ZMYM1: variants seen among roughly 807,000 people sequenced by gnomAD.
ZMYM1 encodes the protein zinc finger MYM-type protein 1.
A neutral mutation model predicts 60.0 loss-of-function variants in ZMYM1; 39 were observed. That is an observed-to-expected ratio of 0.65 (90% CI 0.50 to 0.85). The LOEUF is 0.85. Among genes scored for constraint, ZMYM1 ranks in the 40% least tolerant of loss-of-function variants. The pLI is 0.00. For missense variants in ZMYM1, 1,171 were observed against 1,309.5 expected (o/e 0.89, Z 1.63); for synonymous variants, 413 against 454.0 (o/e 0.91, Z 1.15).
At chr1:35,072,887 G>T (rs1476190915) in intron 1 of ZMYM1, among the ~76,000 whole-genome samples, 1 of 152,132 alleles carries the variant, frequency 6.6e-6, no homozygotes, top group Non-Finnish European at 1.5e-5. Flanking sequence ...TTCCAGACCA[G>T]CCTGGCCAAT....
upstream of ZMYM1, among the ~76,000 whole-genome samples, chr1:35,074,871 AT>A (rs1642140548): frequency 7.6e-6 from 1 of 131,364 alleles, no homozygotes; most frequent in Non-Finnish European, 1.7e-5. Flanking sequence ...TTTTTTTTTA[AT>A]TTTTTTGAGA....
At chr1:35,106,846 T>A (rs184234919) in intron 6 of ZMYM1, among the ~76,000 whole-genome samples, 37 of 151,768 alleles carry the variant, frequency 2.4e-4, no homozygotes, top group Admixed American at 2.4e-3. Context: ...TTTTTGTTGT[T>A]GTTGTTGTTG....
At position 35,097,555 on chromosome 1, in the gene ZMYM1, AAAC is replaced by A; in HGVS notation, c.409_411del (p.Asn137del). ...CAGTTCCTTCTAAGAGAACTTGTTCAAACTGCTCAAAGTATATAATTCTAAATT... is the reference window on the plus strand; with the variant it reads ...CAGTTCCTTCTAAGAGAACTTGTTCATGCTCAAAGTATATAATTCTAAATT... On this transcript the variant is annotated inframe_deletion, in exon 4 of 10. Transcript: ENST00000359858. The A allele has an allele frequency of 6.2e-7, 1 of 1,614,178 alleles. No individual in the cohort carries two copies. The highest frequency in any genetic ancestry group is 1.1e-5 in the South Asian group (1 of 91,076).
chr1:35,100,767 G>T (rs994859003), intron 4 of ZMYM1, among the ~76,000 whole-genome samples: 3 of 151,794 alleles, frequency 2.0e-5, no homozygotes, highest in Non-Finnish European at 4.4e-5. Flanking sequence ...ACTAAGGTTT[G>T]ATTTATTTAT....
At chr1:35,096,412 G>A (rs1352671879) in intron 3 of ZMYM1, among the ~76,000 whole-genome samples, 2 of 151,782 alleles carry the variant, frequency 1.3e-5, no homozygotes, top group Admixed American at 1.3e-4. Flanking sequence ...ATCAGCTTGA[G>A]GGCAGGAGTT....
chr1:35,059,942 T>C (rs974133879), intron 1 of ZMYM1: 2 of 152,222 alleles, frequency 1.3e-5, no homozygotes, highest in Admixed American at 1.3e-4. Context: ...CGTTTCTCTC[T>C]CTTGCCCTCA....
At chr1:35,076,724 G>A (rs1642173572), upstream of ZMYM1, among the ~76,000 whole-genome samples, 1 of 151,686 alleles carries the variant, frequency 6.6e-6, no homozygotes. Flanking sequence ...CTTGAGGTCA[G>A]GAGTTCAAGA....
chr1:35,100,713 G>A lies in ZMYM1; in HGVS notation c.419+3147G>A, dbSNP rs1444880084. ...TTTAGTATCTCAGTTGGAACCAACCGCAAATCCTGAATGCAATCAATAAAG... is the reference window on the plus strand; with the variant it reads ...TTTAGTATCTCAGTTGGAACCAACCACAAATCCTGAATGCAATCAATAAAG... On this transcript the variant is annotated intron_variant, in intron 4 of 9. Coordinates refer to ENST00000359858, the MANE Select transcript of ZMYM1 (RefSeq NM_024772.5). Among the ~76,000 whole-genome samples the A allele has an allele frequency of 6.6e-5, 10 of 151,954 alleles. 1 individual carries two copies. In the South Asian group the frequency reaches 1.5e-3, roughly 22 times the overall value.
Position 35,095,804 on chromosome 1 carries a change from T to A in ZMYM1, c.97-15T>A, listed in dbSNP as rs778796073. 3 of 1,548,318 alleles carry A rather than the reference T, an allele frequency of 1.9e-6. No individual in the cohort carries two copies. The highest frequency in any genetic ancestry group is 1.4e-5 in the African/African-American group (1 of 72,110). On this transcript the variant is annotated splice_polypyrimidine_tract_variant and intron_variant, in intron 2 of 9. Transcript: ENST00000359858. The stretch of plus-strand genomic sequence containing the variant: ...TATTCACTATTTTTAATTATTATTT[T>A]TTTTTTCTTTTTAGGAGTATTGTCA...
At chr1:35,100,183 G>A (rs919408765) in intron 4 of ZMYM1, among the ~76,000 whole-genome samples, 3 of 151,962 alleles carry the variant, frequency 2.0e-5, no homozygotes, top group African/African-American at 7.3e-5. Context: ...GAGCCACCAC[G>A]CCCTGCCTGA....
At chr1:35,073,338 A>AAAGGGAGG (rs1553136869) in intron 1 of ZMYM1, among the ~76,000 whole-genome samples, 1 of 115,678 alleles carries the variant, frequency 8.6e-6, no homozygotes, top group Non-Finnish European at 1.7e-5. Context: ...AGAAAGAAAG[A>AAAGGGAGG]AAGGAAGGAA....
At chr1:35,092,918 C>G (rs1643109889) in intron 1 of ZMYM1, among the ~76,000 whole-genome samples, 1 of 152,130 alleles carries the variant, frequency 6.6e-6, no homozygotes, top group Admixed American at 6.5e-5. Context: ...AGCCACTGTG[C>G]CCAGCCAACT....
intron 7 of ZMYM1, 88 bp from the exon 8 acceptor site, chr1:35,111,684 G>A (rs1369434269): frequency 7.9e-7 from 1 of 1,262,000 alleles, no homozygotes; most frequent in African/African-American, 1.5e-5. Flanking sequence ...TTAGATGCTT[G>A]CATTATTTCT....
intron 4 of ZMYM1, chr1:35,097,801 C>T (rs1643416358): frequency 4.4e-5 from 22 of 497,366 alleles, no homozygotes; most frequent in South Asian, 1.5e-4. Context: ...TGCACCACCA[C>T]GCCCGGCTAA....
chr1:35,105,323 G>T (rs1424155827), intron 6 of ZMYM1, among the ~76,000 whole-genome samples: 2 of 151,536 alleles, frequency 1.3e-5, no homozygotes, highest in African/African-American at 2.4e-5. Flanking sequence ...ATTTTAAGTA[G>T]AGATGGGGTT....
Position 35,113,148 on chromosome 1 carries a change from C to T in ZMYM1, c.1318C>T (p.Pro440Ser). The T allele has an allele frequency of 6.2e-7, 1 of 1,613,574 alleles. No homozygotes were observed. Among genetic ancestry groups the T allele is most frequent in the Non-Finnish European group, 8.5e-7 (1 of 1,179,850 alleles). The change falls in exon 10 of 10, where the codon CCA becomes TCA. Residue 440 changes from proline to serine, a missense_variant. Coordinates refer to ENST00000359858, the MANE Select transcript of ZMYM1 (RefSeq NM_024772.5). ...GAAAATAAGTGATGAACTATGTCAC[C>T]CAAAATGTACATCCAAAGTACAAAA... is the stretch of plus-strand genomic sequence containing the variant. ...SMKISDELCHPKCTSKVQKVK... is the reference protein window; with the variant it reads ...SMKISDELCHSKCTSKVQKVK...
At chr1:35,064,201 G>C (rs528845762) in intron 1 of ZMYM1, among the ~76,000 whole-genome samples, 1 of 148,400 alleles carries the variant, frequency 6.7e-6, no homozygotes, top group Non-Finnish European at 1.5e-5. Flanking sequence ...GTGCACATCT[G>C]TAATCCCAGC....
chr1:35,073,678 A>G (rs551675138), intron 1 of ZMYM1, among the ~76,000 whole-genome samples: 4 of 148,602 alleles, frequency 2.7e-5, no homozygotes, highest in South Asian at 2.2e-4. Context: ...AGGAAGGAAG[A>G]AAGGAAGGAA....
intron 6 of ZMYM1, 106 bp downstream of exon 6, chr1:35,104,875 A>G: frequency 2.4e-6 from 2 of 824,158 alleles, no homozygotes; most frequent in East Asian, 2.7e-5. Context: ...TAATGTCGAT[A>G]AGTTGATGAA....
Sources: allele counts gnomAD v4.1 joint callset (sites outside exome capture counted in the v4.1 genomes callset), GRCh38; gene constraint gnomAD v4.1.1; transcripts MANE v1.5; gene names NCBI Gene and HGNC (gene_info 2026-07-23, HGNC 2026-07-21).